The following ZFYVE9 variants were observed in gnomAD, a reference collection of about 807,000 sequenced individuals.
ZFYVE9 encodes zinc finger FYVE-type containing 9.
Under a neutral mutation model 126.7 loss-of-function variants are expected in ZFYVE9, and 43 were observed. The observed-to-expected ratio is 0.34, with a 90% CI of 0.27 to 0.44. ZFYVE9 has a LOEUF of 0.44. Among genes scored for constraint, ZFYVE9 ranks in the 20% least tolerant of loss-of-function variants. The probability of loss-of-function intolerance (pLI) is 1.00; values close to 1 mark genes in which losing one functional copy is unlikely to be tolerated. For synonymous variants in ZFYVE9, 521 were observed against 597.4 expected, an observed-to-expected ratio of 0.87 and a Z score of 1.87; for missense variants, 1,476 against 1,697.0, an observed-to-expected ratio of 0.87 and a Z score of 2.29.
At chr1:52,278,739 T>TTTTTA (rs1645773345) in intron 9 of ZFYVE9, 125 bp downstream of exon 9, 1 of 765,212 alleles carries the variant, frequency 1.3e-6, no homozygotes, top group East Asian at 3.1e-5. Context: ...TTCTTTTTTT[T>TTTTTA]TTTTTGAGAC....
At chr1:52,310,022 A>G (rs911770525) in intron 13 of ZFYVE9, among the ~76,000 whole-genome samples, 2 of 152,126 alleles carry the variant, frequency 1.3e-5, no homozygotes, top group African/African-American at 4.8e-5. Context: ...CAGCTGGAGT[A>G]CAGTGGTGGT....
chr1:52,254,470 G>A (rs1051863784), intron 4 of ZFYVE9, among the ~76,000 whole-genome samples: 3 of 151,312 alleles, frequency 2.0e-5, no homozygotes, highest in Admixed American at 6.6e-5. Flanking sequence ...CAGGCAGATC[G>A]CTTGAGCCCA....
At chr1:52,207,074 C>G (rs768586506) in intron 1 of ZFYVE9, among the ~76,000 whole-genome samples, 4 of 152,144 alleles carry the variant, frequency 2.6e-5, no homozygotes, top group Non-Finnish European at 4.4e-5. Context: ...CCAGACACAC[C>G]CAGAAATAAT....
intron 17 of ZFYVE9, among the ~76,000 whole-genome samples, chr1:52,343,771 A>T (rs919162608): frequency 7.2e-6 from 1 of 138,542 alleles, no homozygotes; most frequent in Non-Finnish European, 1.6e-5. Flanking sequence ...CTCAAAAAAA[A>T]AATAAAGTAA....
chr1:52,285,883 G>A (rs191003594), intron 10 of ZFYVE9, among the ~76,000 whole-genome samples: 127 of 152,282 alleles, frequency 8.3e-4, no homozygotes, highest in African/African-American at 2.9e-3. Flanking sequence ...GGCTGGGCAC[G>A]GTGGCTCATG....
chr1:52,222,174 C>G (rs1213598236), intron 2 of ZFYVE9, among the ~76,000 whole-genome samples: 2 of 152,186 alleles, frequency 1.3e-5, no homozygotes, highest in African/African-American at 4.8e-5. Flanking sequence ...TCCTTGTTAT[C>G]TCCTGAGATG....
At chr1:52,344,267 C>T (rs1646465503) in intron 17 of ZFYVE9, among the ~76,000 whole-genome samples, 1 of 152,118 alleles carries the variant, frequency 6.6e-6, no homozygotes, top group African/African-American at 2.4e-5. Context: ...ATAAAAGGCT[C>T]AGATGCCAGG....
At chr1:52,296,575 C>T (rs568870336) in intron 12 of ZFYVE9, among the ~76,000 whole-genome samples, 1 of 152,178 alleles carries the variant, frequency 6.6e-6, no homozygotes, top group East Asian at 1.9e-4. Flanking sequence ...CATTGGTTGG[C>T]TTGAGTCCAC....
intron 2 of ZFYVE9, among the ~76,000 whole-genome samples, chr1:52,227,778 T>C (rs1413390361): frequency 6.6e-6 from 1 of 152,240 alleles, no homozygotes; most frequent in East Asian, 1.9e-4. Context: ...TATTCCATCC[T>C]GCTCCATTGC....
intron 16 of ZFYVE9, 138 bp from the exon 17 acceptor site, chr1:52,339,987 GC>G: frequency 3.0e-6 from 2 of 669,148 alleles, no homozygotes; most frequent in Non-Finnish European, 5.3e-6. Flanking sequence ...GCTGCTTCTT[GC>G]TATGATGTGC....
intron 1 of ZFYVE9, among the ~76,000 whole-genome samples, chr1:52,171,747 C>A (rs1244584000): frequency 2.0e-5 from 3 of 152,094 alleles, no homozygotes; most frequent in South Asian, 4.1e-4. Context: ...TCTCTGATGG[C>A]CAGTGATGAT....
At chr1:52,214,514 G>C (rs1172150050) in intron 1 of ZFYVE9, among the ~76,000 whole-genome samples, 3 of 152,170 alleles carry the variant, frequency 2.0e-5, no homozygotes, top group African/African-American at 7.2e-5. Flanking sequence ...CCAGATTTCA[G>C]CTACTTAGGG....
chr1:52,314,717 G>A (rs1300783663), intron 13 of ZFYVE9, among the ~76,000 whole-genome samples: 4 of 152,236 alleles, frequency 2.6e-5, no homozygotes, highest in Admixed American at 2.6e-4. Flanking sequence ...CTACTTGGGA[G>A]GCTAAGGCAG....
At chr1:52,334,862 A>G in intron 15 of ZFYVE9, 94 bp downstream of exon 15, 1 of 1,280,858 alleles carries the variant, frequency 7.8e-7, no homozygotes, top group East Asian at 2.4e-5. Flanking sequence ...TCTGACTCCT[A>G]CTGTTTTTTC....
In ZFYVE9 at chr1:52,237,806, A is replaced by C; in HGVS notation, c.389A>C (p.Glu130Ala). Residue 130 changes from glutamate to alanine, a missense_variant, in exon 4 of 19, where the codon GAA becomes GCA. Physicochemically the swap from Glu to Ala is moderately radical, Grantham distance 107. Transcript: ENST00000287727. ...YSWDDQCSAV[E>A]VGEKKCGNLA... ...TGGGATGATCAATGCAGTGCTGTTG[A>C]AGTGGGAGAGAAGAAATGTGGAAAC... The C allele has an allele frequency of 6.2e-7, 1 of 1,614,140 alleles. No individual in the cohort carries two copies. Among genetic ancestry groups the C allele is most frequent in the Non-Finnish European group, 8.5e-7 (1 of 1,179,992 alleles).
At chr1:52,147,628 G>A (rs1173601289) in intron 1 of ZFYVE9, among the ~76,000 whole-genome samples, 1 of 152,076 alleles carries the variant, frequency 6.6e-6, no homozygotes, top group African/African-American at 2.4e-5. Flanking sequence ...CATCAGTTAG[G>A]GCTGTTTCCA....
chr1:52,299,192 G>A (rs1646009238), intron 12 of ZFYVE9, among the ~76,000 whole-genome samples: 1 of 151,844 alleles, frequency 6.6e-6, no homozygotes, highest in African/African-American at 2.4e-5. Context: ...TTTTTTTATA[G>A]CTACTGTAAA....
intron 1 of ZFYVE9, chr1:52,163,150 C>T (rs12092105): frequency 0.033 from 6,932 of 212,746 alleles, 394 homozygotes; most frequent in African/African-American, 0.11. Flanking sequence ...TGCTTCTATC[C>T]GACCAATCTT....
intron 4 of ZFYVE9, among the ~76,000 whole-genome samples, chr1:52,257,104 C>T (rs746864937): frequency 4.6e-5 from 7 of 152,048 alleles, no homozygotes; most frequent in Non-Finnish European, 8.8e-5. Context: ...CAAAGTGGTA[C>T]TTTGAATATA....
Sources: allele counts gnomAD v4.1 joint callset (sites outside exome capture counted in the v4.1 genomes callset), GRCh38; gene constraint gnomAD v4.1.1; transcripts MANE v1.5; gene names NCBI Gene and HGNC (gene_info 2026-07-23, HGNC 2026-07-21).